ZFHX3: variants seen among roughly 807,000 people sequenced by gnomAD.
ZFHX3 encodes the protein zinc finger homeobox protein 3.
Under a neutral mutation model 279.1 loss-of-function variants are expected in ZFHX3, and 42 were observed. The observed-to-expected ratio is 0.15, with a 90% CI of 0.12 to 0.19. ZFHX3 has a LOEUF of 0.19. Ranked by LOEUF, ZFHX3 falls within the 10% of genes least tolerant of loss-of-function variation. ZFHX3 has a pLI of 1.00. For synonymous variants in ZFHX3, 2,293 were observed against 1,957.8 expected, an observed-to-expected ratio of 1.17 and a Z score of -4.52; for missense variants, 4,981 against 4,754.0, an observed-to-expected ratio of 1.05 and a Z score of -1.40.
chr16:73,839,359 A>AAAAAAAAAAAAAAAAC (rs1961237332), intron 1 of ZFHX3, among the ~76,000 whole-genome samples: 1 of 141,092 alleles, frequency 7.1e-6, no homozygotes, highest in African/African-American at 2.8e-5. Context: ...AAAAAAAAAA[A>AAAAAAAAAAAAAAAAC]AAAAAAAGTT....
chr16:73,021,061 A>G (rs1040334239), intron 1 of ZFHX3, among the ~76,000 whole-genome samples: 6 of 152,214 alleles, frequency 3.9e-5, no homozygotes, highest in African/African-American at 1.4e-4. Context: ...AAGCTCCTTA[A>G]ATTATTTTCC....
chr16:73,030,004 G>A (rs1457765883), intron 1 of ZFHX3, among the ~76,000 whole-genome samples: 1 of 152,078 alleles, frequency 6.6e-6, no homozygotes, highest in Non-Finnish European at 1.5e-5. Context: ...AAACTCTTAG[G>A]CATGTTTTGT....
At chr16:73,814,000 A>C (rs1960495132) in intron 1 of ZFHX3, 1 of 152,172 alleles carries the variant, frequency 6.6e-6, no homozygotes, top group Admixed American at 6.5e-5. Flanking sequence ...TATCACTCTT[A>C]AGTTGTAAGT....
rs777152835 is a variant in ZFHX3 at position 72,958,279 on chromosome 16, C to A, written c.1867G>T (p.Ala623Ser). 6 of 1,613,904 alleles carry A rather than the reference C, an allele frequency of 3.7e-6. No individual in the cohort carries two copies. The East Asian group carries it at 1.1e-4, about 30-fold the overall frequency. Residue 623 changes from alanine (A) to serine (S), a missense_variant, in exon 2 of 10, where the codon GCT (alanine) becomes TCT (serine). Transcript: ENST00000268489. ...ACCCCAAGCTCGCAGAGGGAGCCAG[C>A]GTGCTGGTGATGGGGAACGAAGCCC... Reference protein sequence around the residue: ...DGGFVPHHQHAGSLCELGVGE... With the variant: ...DGGFVPHHQHSGSLCELGVGE...
intron 3 of ZFHX3, among the ~76,000 whole-genome samples, chr16:73,449,364 A>G (rs1316552004): frequency 1.3e-5 from 2 of 152,198 alleles, no homozygotes; most frequent in East Asian, 3.9e-4. Context: ...ATCTTCTAAA[A>G]GTCTTCTTAA....
Position 72,787,146 on chromosome 16 carries a change from A to G in ZFHX3, c.*18T>C. The stretch of plus-strand genomic sequence containing the variant: ...TTTGTATTTAAATTCATTTGTTTGT[A>G]TTGTTCATCTTCAAAGCTTACAATC... On this transcript the variant is annotated 3_prime_UTR_variant, in exon 10 of 10. Transcript: ENST00000268489. 7.2e-7 allele frequency: 1 copy of G among 1,388,544 alleles called. No individual in the cohort carries two copies. The highest frequency in any genetic ancestry group is 9.4e-7 in the Non-Finnish European group (1 of 1,063,206). 86.0% of individuals were successfully genotyped at this position (1,388,544 alleles called of 1,614,324 possible).
intron 1 of ZFHX3, among the ~76,000 whole-genome samples, chr16:72,966,659 C>T (rs1018171675): frequency 2.0e-4 from 30 of 152,294 alleles, no homozygotes; most frequent in African/African-American, 7.2e-4. Context: ...GCTGAACACA[C>T]ACACCATTCA....
chr16:72,851,323 T>C (rs2037611874), intron 4 of ZFHX3, among the ~76,000 whole-genome samples: 2 of 152,076 alleles, frequency 1.3e-5, no homozygotes, highest in East Asian at 1.9e-4. Flanking sequence ...TTGCACATTC[T>C]ATGCAAAGGT....
At chr16:72,802,016 G>T (rs2036117426) in intron 7 of ZFHX3, among the ~76,000 whole-genome samples, 3 of 150,970 alleles carry the variant, frequency 2.0e-5, no homozygotes, top group Admixed American at 1.3e-4. Flanking sequence ...TGAATCATGA[G>T]AAATAAAAAA....
At chr16:72,888,960 T>A (rs2038699208) in intron 4 of ZFHX3, among the ~76,000 whole-genome samples, 1 of 151,926 alleles carries the variant, frequency 6.6e-6, no homozygotes. Flanking sequence ...GACTGTCTTG[T>A]GTGTCTAAGT....
intron 1 of ZFHX3, among the ~76,000 whole-genome samples, chr16:73,682,991 A>AAAAGAAAGAAAGAAAGAAAGAAAG (rs796634470): frequency 2.4e-5 from 1 of 42,378 alleles, no homozygotes; most frequent in African/African-American, 7.6e-5. Context: ...AGAAAGAAAG[A>AAAAGAAAGAAAGAAAGAAAGAAAG]AAAGAAAGAA....
At chr16:73,456,760 G>C (rs1234425349) in intron 2 of ZFHX3, among the ~76,000 whole-genome samples, 2 of 152,316 alleles carry the variant, frequency 1.3e-5, no homozygotes, top group East Asian at 3.9e-4. Context: ...CTATCGGGAT[G>C]GAAAAGATTT....
chr16:73,235,226 C>T (rs1036221603), intron 5 of ZFHX3, among the ~76,000 whole-genome samples: 12 of 152,176 alleles, frequency 7.9e-5, no homozygotes, highest in Admixed American at 5.2e-4. Flanking sequence ...CCCACCACCA[C>T]GCCTGGCAAA....
intron 3 of ZFHX3, among the ~76,000 whole-genome samples, chr16:73,447,180 C>G (rs1039977388): frequency 1.1e-5 from 1 of 90,574 alleles, no homozygotes; most frequent in Non-Finnish European, 2.4e-5. Context: ...GACTCCATCT[C>G]AAAAAAAAAA....
chr16:72,836,945 C>T (rs2037207741), intron 4 of ZFHX3, among the ~76,000 whole-genome samples: 1 of 152,196 alleles, frequency 6.6e-6, no homozygotes, highest in Non-Finnish European at 1.5e-5. Flanking sequence ...ATTTTCCCAC[C>T]TTCTCAGGAT....
chr16:73,884,379 T>G (rs2030278620), intron 1 of ZFHX3, among the ~76,000 whole-genome samples: 1 of 152,236 alleles, frequency 6.6e-6, no homozygotes, highest in Non-Finnish European at 1.5e-5. Context: ...TAAATGCTAA[T>G]GCAATTTTTT....
chr16:72,868,331 G>C (rs763931619), intron 4 of ZFHX3, among the ~76,000 whole-genome samples: 1 of 151,994 alleles, frequency 6.6e-6, no homozygotes, highest in Non-Finnish European at 1.5e-5. Context: ...CCTATCCAAG[G>C]CCCAAGCTCA....
At chr16:73,418,561 G>T (rs974659074) in intron 3 of ZFHX3, among the ~76,000 whole-genome samples, 2 of 152,220 alleles carry the variant, frequency 1.3e-5, no homozygotes, top group African/African-American at 4.8e-5. Context: ...GAGTATGTGT[G>T]AGAAAAAGAA....
At chr16:73,107,985 C>A (rs538438071) in intron 7 of ZFHX3, among the ~76,000 whole-genome samples, 2 of 152,084 alleles carry the variant, frequency 1.3e-5, no homozygotes, top group African/African-American at 4.8e-5. Context: ...CACAGTGAAA[C>A]CCAGTCTCTA....
Sources: gnomAD v4.1 joint callset for allele counts (sites outside exome capture counted in the v4.1 genomes callset) on GRCh38, gnomAD v4.1.1 for gene constraint, MANE v1.5 for transcripts, NCBI Gene and HGNC (gene_info 2026-07-23, HGNC 2026-07-21) for gene names.